The following PRDM16 variants were observed in gnomAD, a reference collection of about 807,000 sequenced individuals.
The protein encoded by PRDM16 is PR/SET domain 16.
In PRDM16, 23 loss-of-function variants were observed where a neutral mutation model predicts 110.6. The ratio of observed to expected loss-of-function variants is 0.21; its 90% CI spans 0.15 to 0.29. The LOEUF is 0.29. PRDM16 is among the 10% of genes least tolerant of loss of function. The probability of loss-of-function intolerance (pLI) is 1.00; values close to 1 mark genes in which losing one functional copy is unlikely to be tolerated. For missense variants in PRDM16, 1,615 were observed against 1,794.3 expected (o/e 0.90, Z 1.81); for synonymous variants, 799 against 781.8 (o/e 1.02, Z -0.37).
At chr1:3,118,327 C>A (rs926429810) in intron 1 of PRDM16, among the ~76,000 whole-genome samples, 3 of 152,208 alleles carry the variant, frequency 2.0e-5, no homozygotes, top group African/African-American at 7.2e-5. Context: ...CAGCATGGAG[C>A]CCTGGTGGCC....
intron 3 of PRDM16, among the ~76,000 whole-genome samples, chr1:3,381,195 C>T (rs1365338717): frequency 6.6e-6 from 1 of 152,196 alleles, no homozygotes; most frequent in Non-Finnish European, 1.5e-5. Flanking sequence ...GGTGCACCCA[C>T]ACACATGCAC....
At chr1:3,168,524 A>G (rs995619232) in intron 1 of PRDM16, among the ~76,000 whole-genome samples, 8 of 150,576 alleles carry the variant, frequency 5.3e-5, no homozygotes, top group African/African-American at 2.0e-4. Flanking sequence ...GCTGAGGCAT[A>G]AAAAATGAGA....
At chr1:3,315,700 T>C (rs1326566941) in intron 3 of PRDM16, among the ~76,000 whole-genome samples, 5 of 151,290 alleles carry the variant, frequency 3.3e-5, no homozygotes, top group African/African-American at 9.8e-5. Context: ...AACCCCTCCA[T>C]GAAGGAAAGC....
At chr1:3,184,264 G>T (rs891273256) in intron 1 of PRDM16, among the ~76,000 whole-genome samples, 14 of 152,198 alleles carry the variant, frequency 9.2e-5, no homozygotes, top group African/African-American at 3.4e-4. Context: ...TCTTTTGAAA[G>T]AAAGCATTTT....
intron 1 of PRDM16, among the ~76,000 whole-genome samples, chr1:3,119,085 T>C (rs1197420866): frequency 2.0e-5 from 3 of 152,228 alleles, no homozygotes; most frequent in Non-Finnish European, 4.4e-5. Flanking sequence ...CTCTGTACCC[T>C]GTGCCCTCCT....
intron 1 of PRDM16, among the ~76,000 whole-genome samples, chr1:3,111,110 G>C (rs1642782539): frequency 6.6e-6 from 1 of 152,122 alleles, no homozygotes; most frequent in East Asian, 1.9e-4. Flanking sequence ...TGGCTCACGT[G>C]CAGGGGCCCA....
chr1:3,074,437 G>T (rs1641845264), intron 1 of PRDM16, among the ~76,000 whole-genome samples: 1 of 152,156 alleles, frequency 6.6e-6, no homozygotes, highest in African/African-American at 2.4e-5. Context: ...GTGCGCGTGT[G>T]TGTGTGCGTG....
At chr1:3,086,442 GC>G (rs1642154118) in intron 1 of PRDM16, among the ~76,000 whole-genome samples, 8 of 152,184 alleles carry the variant, frequency 5.3e-5, no homozygotes, top group Admixed American at 5.2e-4. Flanking sequence ...CACCCTCAGA[GC>G]CTGTGCTGGA....
rs1643372279 is a variant in PRDM16, at chr1:3,133,322, G to A, written c.38-52803G>A. 3 of 152,342 alleles carry A rather than the reference G, an allele frequency of 2.0e-5. No individual in the cohort carries two copies. In the South Asian group the frequency reaches 6.2e-4, roughly 32 times the overall value. The allele number at this position is 152,342 out of a possible 1,614,324, so 9.4% of individuals were successfully genotyped here. A position where few individuals can be genotyped will look rare whatever the true frequency, so the allele number is the denominator to read the frequency against. On this transcript the variant is annotated intron_variant, in intron 1 of 16. Coordinates refer to ENST00000270722, the MANE Select transcript of PRDM16 (RefSeq NM_022114.4). ...CCATGCCAGACTCTCCCAGGGCGAG[G>A]GAGGCACCTCGGGGCTGTGGGCCTG... is the stretch of plus-strand genomic sequence containing the variant.
In PRDM16 at chr1:3,290,177, C is replaced by A. The variant is rs1381479740; in HGVS notation, c.438+46040C>A. 1.3e-5 allele frequency among the ~76,000 whole-genome samples: 2 copies of A among 152,336 alleles called. No homozygotes were observed. Among genetic ancestry groups the A allele is most frequent in the East Asian group, 3.9e-4 (2 of 5,188 alleles). On this transcript the variant is annotated intron_variant, in intron 3 of 16. Coordinates refer to ENST00000270722, the MANE Select transcript of PRDM16 (RefSeq NM_022114.4). The surrounding 1 kb of genome is among the most constrained non-coding windows in gnomAD (Gnocchi z 4.8). ...CTCCTGGGTATCACACCCTACGACTCCAAGGCTGGCCCGGCACAGGGGCTC... is the reference window on the plus strand; with the variant it reads ...CTCCTGGGTATCACACCCTACGACTACAAGGCTGGCCCGGCACAGGGGCTC...
At chr1:3,377,940 G>A (rs879607076) in intron 3 of PRDM16, among the ~76,000 whole-genome samples, 6 of 152,206 alleles carry the variant, frequency 3.9e-5, no homozygotes, top group Non-Finnish European at 8.8e-5. Flanking sequence ...CAGGCCTCAG[G>A]CCTGCCCCGA....
intron 3 of PRDM16, among the ~76,000 whole-genome samples, chr1:3,364,011 A>C (rs965237950): frequency 6.6e-6 from 1 of 151,378 alleles, no homozygotes; most frequent in Non-Finnish European, 1.5e-5. Context: ...GCCCTTCATG[A>C]GTTCCCTCAT....
At chr1:3,094,950 C>T (rs978266957) in intron 1 of PRDM16, among the ~76,000 whole-genome samples, 6 of 152,198 alleles carry the variant, frequency 3.9e-5, no homozygotes, top group African/African-American at 4.8e-5. Flanking sequence ...TGCTCGTGAC[C>T]GAGACCTTCT....
chr1:3,136,350 G>A (rs370009342), intron 1 of PRDM16, among the ~76,000 whole-genome samples: 41 of 152,304 alleles, frequency 2.7e-4, no homozygotes, highest in African/African-American at 9.6e-4. Context: ...CTCTGGTGTC[G>A]TCCATTTTAC....
rs889525623 is a variant in PRDM16, at chr1:3,359,993, C to A, written c.439-25159C>A. ...AGCCGGCTCAGCAGCCAGTGAGAAG[C>A]AACAGCAAACGTAATTAACTCCATG... On this transcript the variant is annotated intron_variant, in intron 3 of 16. Transcript: ENST00000270722. The surrounding 1 kb of genome is among the most constrained non-coding windows in gnomAD (Gnocchi z 4.3). Among the ~76,000 whole-genome samples the A allele has an allele frequency of 6.6e-5, 10 of 152,246 alleles. No individual in the cohort carries two copies. Among genetic ancestry groups the A allele is most frequent in the African/African-American group, 2.4e-4 (10 of 41,466 alleles).
intron 1 of PRDM16, among the ~76,000 whole-genome samples, chr1:3,086,100 G>A (rs746504301): frequency 7.1e-6 from 1 of 141,016 alleles, no homozygotes; most frequent in Non-Finnish European, 1.5e-5. Flanking sequence ...GGCCTGAGGC[G>A]GCTGGATGCT....
intron 3 of PRDM16, among the ~76,000 whole-genome samples, chr1:3,376,555 G>C (rs1479777991): frequency 6.6e-6 from 1 of 152,190 alleles, no homozygotes; most frequent in Non-Finnish European, 1.5e-5. Context: ...CGGGAGCTAA[G>C]AGCCACAGCC....
intron 3 of PRDM16, among the ~76,000 whole-genome samples, chr1:3,331,426 A>T (rs780192902): frequency 1.5e-4 from 23 of 151,790 alleles, no homozygotes; most frequent in Non-Finnish European, 2.8e-4. Context: ...GACCCCAGGT[A>T]CAGAGGGGTT....
rs1415803326 is a variant in PRDM16 at position 3,148,157 on chromosome 1, G to T, written c.38-37968G>T. Among the ~76,000 whole-genome samples the T allele has an allele frequency of 2.6e-5, 4 of 152,074 alleles. No homozygotes were observed. The highest frequency in any genetic ancestry group is 5.9e-5 in the Non-Finnish European group (4 of 68,008). ...TCAGGACGGTTTTGTGGGAGGGGCT[G>T]GGCTGAGAGGTGGGAAGGAGCCCCC... On this transcript the variant is annotated intron_variant, in intron 1 of 16. Coordinates refer to ENST00000270722, the MANE Select transcript of PRDM16 (RefSeq NM_022114.4). This position sits in a 1 kb window ranked among gnomAD's most constrained non-coding sequence, Gnocchi z 5.0.
Sources: allele counts gnomAD v4.1 joint callset (sites outside exome capture counted in the v4.1 genomes callset), GRCh38; gene constraint gnomAD v4.1.1; non-coding constraint Gnocchi (gnomAD v3.1); transcripts MANE v1.5; gene names NCBI Gene and HGNC (gene_info 2026-07-23, HGNC 2026-07-21).